GSTA4: variants seen among roughly 807,000 people sequenced by gnomAD.
The protein encoded by GSTA4 is glutathione S-transferase alpha 4.
GSTA4 carries 15 observed loss-of-function variants against 24.4 expected under a neutral mutation model. That is an observed-to-expected ratio of 0.61 (90% confidence interval 0.41 to 0.95). GSTA4 has a LOEUF of 0.95. GSTA4 is among the 40% of genes least tolerant of loss of function. The pLI is 0.00. For missense variants in GSTA4, 244 were observed against 262.1 expected (o/e 0.93, Z 0.48); for synonymous variants, 92 against 94.2 (o/e 0.98, Z 0.13).
intron 2 of GSTA4, among the ~76,000 whole-genome samples, chr6:52,993,062 C>G (rs1763694429): frequency 6.6e-6 from 1 of 152,086 alleles, no homozygotes; most frequent in Non-Finnish European, 1.5e-5. Context: ...GAGATCACAC[C>G]ACTGCACTCC....
intron 5 of GSTA4, 34 bp from the exon 6 acceptor site, chr6:52,982,739 T>G: frequency 6.4e-7 from 1 of 1,570,110 alleles, no homozygotes; most frequent in Non-Finnish European, 8.8e-7. Flanking sequence ...GTTACAATAT[T>G]CCACATGGAG....
chr6:52,992,186 A>G (rs1763673952), intron 2 of GSTA4, among the ~76,000 whole-genome samples: 1 of 152,230 alleles, frequency 6.6e-6, no homozygotes, highest in African/African-American at 2.4e-5. Context: ...CCAATCTGAA[A>G]TAAAAAAAGG....
rs916567279 is a variant in GSTA4, at chr6:52,992,205, A to G, written c.87+1952T>C. On this transcript the variant is annotated intron_variant, in intron 2 of 6. Transcript: ENST00000370963. ...TCTGAAATAAAAAAAGGTAAACCTG[A>G]AAGAGCACCAGTGGCTAAAGCTGAA... Among the ~76,000 whole-genome samples the G allele has an allele frequency of 2.6e-5, 4 of 152,220 alleles. No homozygotes were observed. In the East Asian group the frequency reaches 7.7e-4, roughly 29 times the overall value.
At chr6:52,983,800 C>A (rs1328302304) in intron 5 of GSTA4, among the ~76,000 whole-genome samples, 1 of 152,174 alleles carries the variant, frequency 6.6e-6, no homozygotes, top group East Asian at 1.9e-4. Context: ...TAAAACCTAG[C>A]TACAGAAACC....
rs114352982 is a variant in GSTA4 at position 52,986,671 on chromosome 6, G to A, written c.139+686C>T. ...AGGGGAGAGGCAAGAGGAGTACTTA[G>A]CACATGCCTAGTGGCTTCCAGCCAC... On this transcript the variant is annotated intron_variant, in intron 3 of 6. Transcript: ENST00000370963. Among the ~76,000 whole-genome samples the A allele has an allele frequency of 4.2e-3, 633 of 152,284 alleles. 5 individuals carry two copies. The highest frequency in any genetic ancestry group is 0.015 in the African/African-American group (616 of 41,550).
At chr6:52,987,440 A>G in intron 2 of GSTA4, 32 bp from the exon 3 acceptor site, 1 of 1,102,898 alleles carries the variant, frequency 9.1e-7, no homozygotes, top group East Asian at 2.4e-5. Flanking sequence ...GTATATATAC[A>G]TAGTGGAATA....
chr6:52,986,279 A>G (rs1763555043), intron 3 of GSTA4, among the ~76,000 whole-genome samples: 1 of 152,216 alleles, frequency 6.6e-6, no homozygotes. Context: ...AAGTTGCACT[A>G]GACATATTTC....
chr6:52,993,170 T>C (rs1763697476), intron 2 of GSTA4, among the ~76,000 whole-genome samples: 1 of 152,196 alleles, frequency 6.6e-6, no homozygotes, highest in Non-Finnish European at 1.5e-5. Context: ...TAGTTAGTCA[T>C]GCACCAATGT....
intron 3 of GSTA4, among the ~76,000 whole-genome samples, chr6:52,986,089 TC>T (rs1763551176): frequency 6.6e-6 from 1 of 152,050 alleles, no homozygotes; most frequent in South Asian, 2.1e-4. Flanking sequence ...TTATAAACGT[TC>T]CCTTTTCATT....
intron 6 of GSTA4, 126 bp downstream of exon 6, chr6:52,982,448 A>G (rs1192013762): frequency 1.7e-6 from 1 of 604,198 alleles, no homozygotes; most frequent in East Asian, 3.2e-5. Flanking sequence ...TTCATTTGCC[A>G]AACTAGAATC....
chr6:52,980,712 CCACA>C (rs1763436017), intron 6 of GSTA4, among the ~76,000 whole-genome samples: 1 of 152,192 alleles, frequency 6.6e-6, no homozygotes, highest in Non-Finnish European at 1.5e-5. Flanking sequence ...TTCTCAGAAA[CCACA>C]CAGTCTAGTG....
At chr6:52,987,696 T>C (rs1763589808) in intron 2 of GSTA4, 1 of 277,866 alleles carries the variant, frequency 3.6e-6, no homozygotes, top group Non-Finnish European at 6.8e-6. Context: ...TAAATACAGC[T>C]AGACAGAAGA....
chr6:52,978,835 C>T (rs970008786), intron 6 of GSTA4, among the ~76,000 whole-genome samples: 8 of 152,008 alleles, frequency 5.3e-5, no homozygotes, highest in African/African-American at 1.9e-4. Context: ...CTCAAAATAT[C>T]TCATAATGTT....
intron 2 of GSTA4, among the ~76,000 whole-genome samples, chr6:52,988,389 C>T (rs1289116166): frequency 2.0e-5 from 3 of 152,006 alleles, no homozygotes; most frequent in South Asian, 4.2e-4. Context: ...ATGGAGAGAT[C>T]GGGAGATCTC....
intron 6 of GSTA4, 99 bp downstream of exon 6, chr6:52,982,475 T>C (rs9717837): frequency 1.9e-5 from 11 of 577,344 alleles, no homozygotes; most frequent in East Asian, 3.6e-5. Context: ...ATATTACACA[T>C]ACACACACAC....
intron 6 of GSTA4, among the ~76,000 whole-genome samples, chr6:52,981,689 C>T (rs1300263091): frequency 1.3e-5 from 2 of 151,926 alleles, no homozygotes; most frequent in Non-Finnish European, 2.9e-5. Context: ...TTACAGTCTG[C>T]ACATTAGACT....
rs371984944 is a variant in GSTA4 at position 52,984,227 on chromosome 6, C to T, written c.414+237G>A. Among the ~76,000 whole-genome samples, 17 of 152,360 alleles carry T rather than the reference C, an allele frequency of 1.1e-4. No homozygotes were observed. The South Asian group carries it at 3.5e-3, about 32-fold the overall frequency. The stretch of plus-strand genomic sequence containing the variant: ...TGCAAGGAACAATAAGGAACAAAGG[C>T]AGGGAGCCCATACTTTTTCTAGACT... On this transcript the variant is annotated intron_variant, in intron 5 of 6. Transcript: ENST00000370963.
chr6:52,989,630 G>A (rs1047142107), intron 2 of GSTA4, among the ~76,000 whole-genome samples: 3 of 152,160 alleles, frequency 2.0e-5, no homozygotes, highest in African/African-American at 4.8e-5. Context: ...GAGGAAAGGA[G>A]CCTCAATGCT....
intron 6 of GSTA4, 72 bp downstream of exon 6, chr6:52,982,502 C>A: frequency 8.6e-7 from 1 of 1,165,904 alleles, no homozygotes; most frequent in Non-Finnish European, 1.2e-6. Flanking sequence ...TCCCCAAAGC[C>A]AACCAAACAA....
Sources: gnomAD v4.1 joint callset for allele counts (sites outside exome capture counted in the v4.1 genomes callset) on GRCh38, gnomAD v4.1.1 for gene constraint, MANE v1.5 for transcripts, NCBI Gene and HGNC (gene_info 2026-07-23, HGNC 2026-07-21) for gene names.